GRM7: variants seen among roughly 807,000 people sequenced by gnomAD.
The protein encoded by GRM7 is glutamate metabotropic receptor 7, also known as metabotropic glutamate receptor 7.
GRM7 carries 35 observed loss-of-function variants against 84.5 expected under a neutral mutation model. The ratio of observed to expected loss-of-function variants is 0.41; its 90% CI spans 0.32 to 0.55. The LOEUF (loss-of-function observed/expected upper bound fraction) is 0.55. GRM7 is among the 20% of genes least tolerant of loss of function. GRM7 has a pLI of 0.19. For missense variants in GRM7, 1,003 were observed against 1,194.6 expected (o/e 0.84, Z 2.36); for synonymous variants, 487 against 455.1 (o/e 1.07, Z -0.89).
chr3:7,367,594 A>G (rs901883747), intron 4 of GRM7, among the ~76,000 whole-genome samples: 1 of 151,896 alleles, frequency 6.6e-6, no homozygotes, highest in African/African-American at 2.4e-5. Flanking sequence ...GAGAATAAAC[A>G]TGGGAGGGTT....
intron 2 of GRM7, among the ~76,000 whole-genome samples, chr3:7,220,078 A>C (rs1329826865): frequency 1.3e-5 from 2 of 152,238 alleles, no homozygotes; most frequent in Non-Finnish European, 2.9e-5. Context: ...TAAATGACTT[A>C]ATAAATAAAG....
At chr3:7,293,828 A>T (rs1198447022) in intron 2 of GRM7, among the ~76,000 whole-genome samples, 2 of 152,196 alleles carry the variant, frequency 1.3e-5, no homozygotes, top group African/African-American at 4.8e-5. Flanking sequence ...TGTTGAAGTC[A>T]TCTACTTACA....
chr3:7,627,553 C>T (rs77186920), intron 8 of GRM7, among the ~76,000 whole-genome samples: 286 of 152,292 alleles, frequency 1.9e-3, no homozygotes, highest in African/African-American at 6.6e-3. Flanking sequence ...CTCAACTAGC[C>T]AGAGTTGAAA....
chr3:7,505,461 T>G (rs1217673036), intron 7 of GRM7, among the ~76,000 whole-genome samples: 2 of 152,250 alleles, frequency 1.3e-5, no homozygotes, highest in Non-Finnish European at 2.9e-5. Flanking sequence ...TTTGGCTGAC[T>G]GTGGTCTCTC....
At chr3:7,200,800 C>A (rs1288538651) in intron 2 of GRM7, among the ~76,000 whole-genome samples, 1 of 152,026 alleles carries the variant, frequency 6.6e-6, no homozygotes, top group East Asian at 1.9e-4. Flanking sequence ...CAAGTGACTG[C>A]AACAATTGCA....
intron 2 of GRM7, among the ~76,000 whole-genome samples, chr3:7,288,917 TCC>T (rs1217082601): frequency 6.6e-6 from 1 of 152,138 alleles, no homozygotes; most frequent in South Asian, 2.1e-4. Context: ...TCTGGATGGA[TCC>T]CACATGGACA....
At chr3:6,986,789 C>T (rs1018726167) in intron 1 of GRM7, among the ~76,000 whole-genome samples, 16 of 152,164 alleles carry the variant, frequency 1.1e-4, no homozygotes, top group African/African-American at 3.1e-4. Context: ...ATGTTTCTGT[C>T]TCAGCCCCAC....
chr3:7,692,385 G>A (rs999675303), intron 9 of GRM7, among the ~76,000 whole-genome samples: 1 of 152,132 alleles, frequency 6.6e-6, no homozygotes, highest in African/African-American at 2.4e-5. Flanking sequence ...TTTAGCTCAT[G>A]AAAACACATT....
intron 5 of GRM7, among the ~76,000 whole-genome samples, chr3:7,442,003 T>C (rs1313349824): frequency 6.6e-6 from 1 of 152,162 alleles, no homozygotes; most frequent in South Asian, 2.1e-4. Context: ...GCTTTTTTTT[T>C]TCTAATTCTG....
intron 1 of GRM7, among the ~76,000 whole-genome samples, chr3:7,025,442 A>G (rs147641319): frequency 6.6e-6 from 1 of 152,328 alleles, no homozygotes; most frequent in Non-Finnish European, 1.5e-5. Context: ...TTTAATATAC[A>G]GCGTGAGTAG....
chr3:7,311,556 A>G (rs961462048), intron 4 of GRM7, among the ~76,000 whole-genome samples: 9 of 151,454 alleles, frequency 5.9e-5, no homozygotes, highest in Admixed American at 1.3e-4. Context: ...TTGTTCTGCA[A>G]TCTGGGCCGT....
intron 4 of GRM7, among the ~76,000 whole-genome samples, chr3:7,373,656 G>T (rs761128835): frequency 1.5e-4 from 23 of 152,168 alleles, no homozygotes; most frequent in Non-Finnish European, 2.8e-4. Flanking sequence ...TAAGGAGAAA[G>T]AAAATAAAAT....
chr3:7,676,016 C>T (rs1700107243), intron 8 of GRM7, among the ~76,000 whole-genome samples: 1 of 151,690 alleles, frequency 6.6e-6, no homozygotes, highest in African/African-American at 2.4e-5. Context: ...TTTTTTGTCG[C>T]CCAGGCTGGA....
At chr3:7,095,391 A>C (rs777589196) in intron 1 of GRM7, among the ~76,000 whole-genome samples, 14 of 152,116 alleles carry the variant, frequency 9.2e-5, no homozygotes, top group Non-Finnish European at 2.1e-4. Flanking sequence ...TGAGCAATTC[A>C]TCACTTAATT....
intron 9 of GRM7, among the ~76,000 whole-genome samples, chr3:7,701,335 C>G (rs1258311686): frequency 7.6e-6 from 1 of 132,344 alleles, no homozygotes; most frequent in Non-Finnish European, 1.5e-5. Context: ...GAATCTCACT[C>G]TGTCACACAG....
chr3:7,085,545 A>T (rs920086659), intron 1 of GRM7, among the ~76,000 whole-genome samples: 3 of 152,152 alleles, frequency 2.0e-5, no homozygotes, highest in African/African-American at 2.4e-5. Context: ...CCATATTGGC[A>T]AACTAAGAAG....
intron 2 of GRM7, among the ~76,000 whole-genome samples, chr3:7,212,353 A>C (rs1212820509): frequency 6.6e-6 from 1 of 152,058 alleles, no homozygotes; most frequent in Non-Finnish European, 1.5e-5. Flanking sequence ...TCATTCATTC[A>C]TTCATTCAAT....
At chr3:7,405,731 C>G (rs915601438) in intron 4 of GRM7, among the ~76,000 whole-genome samples, 1 of 151,998 alleles carries the variant, frequency 6.6e-6, no homozygotes, top group Non-Finnish European at 1.5e-5. Context: ...ATTTTATATA[C>G]ATATTTTTTG....
chr3:7,623,440 T>G (rs1697457935), intron 8 of GRM7, among the ~76,000 whole-genome samples: 1 of 152,168 alleles, frequency 6.6e-6, no homozygotes, highest in Admixed American at 6.5e-5. Context: ...GTTGCTGTCT[T>G]AGAATCCCTC....
Sources: allele counts gnomAD v4.1 joint callset (sites outside exome capture counted in the v4.1 genomes callset), GRCh38; gene constraint gnomAD v4.1.1; transcripts MANE v1.5; gene names NCBI Gene and HGNC (gene_info 2026-07-23, HGNC 2026-07-21).